Variants in KIAA0408 observed in about 807,000 individuals in gnomAD.
The protein encoded by KIAA0408 is uncharacterized protein KIAA0408.
Under a neutral mutation model 60.9 loss-of-function variants are expected in KIAA0408, and 51 were observed. That is an observed-to-expected ratio of 0.84 (90% CI 0.67 to 1.06). KIAA0408 has a LOEUF of 1.06. KIAA0408 is among the 50% of genes least tolerant of loss of function. The probability of loss-of-function intolerance (pLI) is 0.00; values close to 1 mark genes in which losing one functional copy is unlikely to be tolerated. For missense variants in KIAA0408, 787 were observed against 833.9 expected (o/e 0.94, Z 0.69); for synonymous variants, 304 against 282.4 (o/e 1.08, Z -0.77).
Position 127,447,261 on chromosome 6 carries a change from T to G in KIAA0408, c.1058A>C (p.Asn353Thr). Residue 353 changes from asparagine to threonine, a missense_variant, in exon 5 of 6, where the codon AAT (asparagine) becomes ACT (threonine). Physicochemically the swap from Asn to Thr is moderately conservative, Grantham distance 65 (BLOSUM62 0). This residue lies in a region of KIAA0408 where 640 missense variants were observed against 681.3 expected (regional missense o/e 0.94). Transcript: ENST00000483725. ...CCACATGCTAAGTCCAACATCTTCA[T>G]TACTTGGAGGCTTGCTATCTATTTT... Reference protein sequence around the residue: ...EVKIDSKPPSNEDVGLSMWSC... With the variant: ...EVKIDSKPPSTEDVGLSMWSC... 1 of 1,614,004 alleles carries G rather than the reference T, an allele frequency of 6.2e-7. No individual in the cohort carries two copies. Among genetic ancestry groups the G allele is most frequent in the Non-Finnish European group, 8.5e-7 (1 of 1,179,972 alleles).
intron 1 of KIAA0408, among the ~76,000 whole-genome samples, chr6:127,454,665 C>T (rs1773359699): frequency 6.6e-6 from 1 of 152,006 alleles, no homozygotes; most frequent in South Asian, 2.1e-4. Context: ...AGAAACTAAT[C>T]TAAATTATAA....
At chr6:127,453,600 G>GA (rs1340304733) in intron 2 of KIAA0408, among the ~76,000 whole-genome samples, 8 of 151,964 alleles carry the variant, frequency 5.3e-5, no homozygotes, top group African/African-American at 1.9e-4. Context: ...TCTCTAGCCA[G>GA]AAAATAATAA....
chr6:127,456,857 C>T (rs899289339), intron 1 of KIAA0408, among the ~76,000 whole-genome samples: 9 of 151,848 alleles, frequency 5.9e-5, no homozygotes, highest in African/African-American at 1.7e-4. Context: ...AGTGCCTAAA[C>T]ACTGCTCTGG....
chr6:127,457,737 A>G (rs148373180), intron 1 of KIAA0408, among the ~76,000 whole-genome samples: 1 of 152,330 alleles, frequency 6.6e-6, no homozygotes, highest in African/African-American at 2.4e-5. Flanking sequence ...AGTAACACAC[A>G]AGTCTCACAA....
Position 127,443,867 on chromosome 6 carries a change from G to C in KIAA0408, c.*242C>G. 1 of 465,354 alleles carries C rather than the reference G, an allele frequency of 2.1e-6. No homozygotes were observed. Among genetic ancestry groups the C allele is most frequent in the Non-Finnish European group, 3.9e-6 (1 of 259,534 alleles). 28.8% of individuals were successfully genotyped at this position (465,354 alleles called of 1,614,324 possible). A position where few individuals can be genotyped will look rare whatever the true frequency, so the allele number is the denominator to read the frequency against. ...CTTGCAACAAAGAATATACAATATTGTACATTGTTTCAACTTATATTGTAT... is the reference window on the plus strand; with the variant it reads ...CTTGCAACAAAGAATATACAATATTCTACATTGTTTCAACTTATATTGTAT... On this transcript the variant is annotated 3_prime_UTR_variant, in exon 6 of 6. Transcript: ENST00000483725.
rs1322398854 is a variant in KIAA0408, at chr6:127,442,856, T to C, written c.*1253A>G. On this transcript the variant is annotated 3_prime_UTR_variant, in exon 6 of 6. Coordinates refer to ENST00000483725, the MANE Select transcript of KIAA0408 (RefSeq NM_014702.5). ...TCCTTCTAAAATCTTCCATTTAGAA[T>C]TCCAAGCCCCTCGACATTCATATTT... is the stretch of plus-strand genomic sequence containing the variant. 2.0e-5 allele frequency: 3 copies of C among 152,194 alleles called. No individual in the cohort carries two copies. The highest frequency in any genetic ancestry group is 7.2e-5 in the African/African-American group (3 of 41,456). The allele number at this position is 152,194 out of a possible 1,614,324, so 9.4% of individuals were successfully genotyped here.
rs916975724 is a variant in KIAA0408, at chr6:127,449,971, C to A, written c.498+19G>T. 2 of 1,613,724 alleles carry A rather than the reference C, an allele frequency of 1.2e-6. No homozygotes were observed. The highest frequency in any genetic ancestry group is 2.7e-5 in the African/African-American group (2 of 74,976). On this transcript the variant is annotated intron_variant, in intron 3 of 5. Coordinates refer to ENST00000483725, the MANE Select transcript of KIAA0408 (RefSeq NM_014702.5). ...ATATTTCTTTAGAAACAGTTCTAGG[C>A]CAATCACATCTTACTTACTGTACTG...
rs981482052 is a variant in KIAA0408 at position 127,454,041 on chromosome 6, G to C, written c.-60C>G. 3 of 1,522,292 alleles carry C rather than the reference G, an allele frequency of 2.0e-6. No individual in the cohort carries two copies. The highest frequency in any genetic ancestry group is 2.6e-6 in the Non-Finnish European group (3 of 1,136,166). The allele number at this position is 1,522,292 out of a possible 1,614,324, so 94.3% of individuals were successfully genotyped here. A position where few individuals can be genotyped will look rare whatever the true frequency, so the allele number is the denominator to read the frequency against. On this transcript the variant is annotated 5_prime_UTR_variant, in exon 2 of 6. Coordinates refer to ENST00000483725, the MANE Select transcript of KIAA0408 (RefSeq NM_014702.5). ...TGCTCTTCTCTGCCTCCTCTTAACT[G>C]TTTCTTGGAAGCTTGAAGTTGTTTT... is the stretch of plus-strand genomic sequence containing the variant.
Position 127,443,324 on chromosome 6 carries a change from A to T in KIAA0408, c.*785T>A, listed in dbSNP as rs1221369015. 6.6e-6 allele frequency: 1 copy of T among 152,186 alleles called. No homozygotes were observed. Among genetic ancestry groups the T allele is most frequent in the African/African-American group, 2.4e-5 (1 of 41,462 alleles). 9.4% of individuals were successfully genotyped at this position (152,186 alleles called of 1,614,324 possible). On this transcript the variant is annotated 3_prime_UTR_variant, in exon 6 of 6. Transcript: ENST00000483725. ...GTCATTTATAATGCAGTCTCATGAT[A>T]CTGTCTCTGAGGATCAAATATTCAG...
chr6:127,447,592 C>G lies in KIAA0408; in HGVS notation c.727G>C (p.Val243Leu). The G allele has an allele frequency of 4.3e-6, 7 of 1,613,084 alleles. No homozygotes were observed. The highest frequency in any genetic ancestry group is 5.9e-6 in the Non-Finnish European group (7 of 1,179,684). Residue 243 changes from valine (V) to leucine (L), a missense_variant, in exon 5 of 6, where the codon GTG becomes CTG. Transcript: ENST00000483725. ...KNRKNLSCTN[V>L]LQSNSTKKCG... Reference sequence around the variant, plus strand: ...TTTTTCGTAGAATTGCTCTGGAGCACATTGGTACAGCTCAGATTCTTCCTG... The same window carrying G: ...TTTTTCGTAGAATTGCTCTGGAGCAGATTGGTACAGCTCAGATTCTTCCTG...
At chr6:127,448,062 A>AT (rs1562370348) in intron 4 of KIAA0408, among the ~76,000 whole-genome samples, 1 of 152,040 alleles carries the variant, frequency 6.6e-6, no homozygotes, top group Non-Finnish European at 1.5e-5. Flanking sequence ...TGCTACTGGC[A>AT]TTTCTCTCTC....
chr6:127,452,136 A>G (rs1354848810), intron 2 of KIAA0408, among the ~76,000 whole-genome samples: 1 of 152,168 alleles, frequency 6.6e-6, no homozygotes, highest in African/African-American at 2.4e-5. Context: ...GCATCCTCTC[A>G]TTAGATATTA....
chr6:127,446,964 G>T lies in KIAA0408; in HGVS notation c.1355C>A (p.Thr452Lys). The stretch of plus-strand genomic sequence containing the variant: ...CTGTATTGCCTGACAATTTCTATCT[G>T]TTCTAAATACAGTTCTGTTAAATTC... ...TDEFNRTVFR[T>K]DRNCQAIQQN... Residue 452 changes from threonine to lysine, a missense_variant, in exon 5 of 6, where the codon ACA (threonine) becomes AAA (lysine). Thr to Lys is a moderately conservative substitution (Grantham distance 78, BLOSUM62 -1). Coordinates refer to ENST00000483725, the MANE Select transcript of KIAA0408 (RefSeq NM_014702.5). 9.3e-6 allele frequency: 15 copies of T among 1,614,034 alleles called. No homozygotes were observed. Among genetic ancestry groups the T allele is most frequent in the Non-Finnish European group, 1.3e-5 (15 of 1,179,992 alleles).
In KIAA0408 at chr6:127,447,411, C is replaced by T. The variant is rs201333415; in HGVS notation, c.908G>A (p.Gly303Asp). ...LDHNSWVPHE[G>D]RSKRNYNPHF... Reference sequence around the variant, plus strand: ...AGGGTTGTAATTCCTTTTACTTCGACCCTCATGGGGCACCCAGCTGTTGTG... The same window carrying T: ...AGGGTTGTAATTCCTTTTACTTCGATCCTCATGGGGCACCCAGCTGTTGTG... The change falls in exon 5 of 6, where the codon GGT becomes GAT. Residue 303 changes from glycine (G) to aspartate (D), a missense_variant. Physicochemically the swap from Gly to Asp is moderately conservative, Grantham distance 94 (BLOSUM62 -1). Around this residue, in one of 3 missense-constraint regions of KIAA0408, gnomAD observed 640 missense variants for 681.3 expected, o/e 0.94. Transcript: ENST00000483725. 6.2e-7 allele frequency: 1 copy of T among 1,613,478 alleles called. No homozygotes were observed. The highest frequency in any genetic ancestry group is 1.7e-5 in the Admixed American group (1 of 59,866).
Position 127,446,486 on chromosome 6 carries a change from T to TTTCAGCAAATG in KIAA0408, c.1832_1833insCATTTGCTGAA (p.Glu611AspfsTer4). On this transcript the variant is annotated stop_gained and frameshift_variant, in exon 5 of 6. Coordinates refer to ENST00000483725, the MANE Select transcript of KIAA0408 (RefSeq NM_014702.5). LOFTEE classifies it high-confidence loss of function. Reference sequence around the variant, plus strand: ...CAGCTGTCTTTTGCTGAAACTGTTGTTCCATTTGGAGCATTTCTAAATGCT... The same window carrying TTTCAGCAAATG: ...CAGCTGTCTTTTGCTGAAACTGTTGTTTCAGCAAATGTCCATTTGGAGCATTTCTAAATGCT... The TTTCAGCAAATG allele has an allele frequency of 6.2e-7, 1 of 1,614,168 alleles. No homozygotes were observed.
At position 127,439,756 on chromosome 6, in the gene KIAA0408, TCTTA is replaced by T. The variant is rs1773075218; in HGVS notation, c.*4349_*4352del. 2 of 152,252 alleles carry T rather than the reference TCTTA, an allele frequency of 1.3e-5. No individual in the cohort carries two copies. Among genetic ancestry groups the T allele is most frequent in the South Asian group, 4.1e-4 (2 of 4,834 alleles). The allele number at this position is 152,252 out of a possible 1,614,324, so 9.4% of individuals were successfully genotyped here. A position where few individuals can be genotyped will look rare whatever the true frequency, so the allele number is the denominator to read the frequency against. ...TTATCTTGACTACTTAATTTTTCCT[TCTTA>T]CTTAGAAATCACAATGCCTGCCTTG... On this transcript the variant is annotated 3_prime_UTR_variant, in exon 6 of 6. Coordinates refer to ENST00000483725, the MANE Select transcript of KIAA0408 (RefSeq NM_014702.5).
rs1773132614 is a variant in KIAA0408 at position 127,443,140 on chromosome 6, A to G, written c.*969T>C. ...AAAGGAAAAAAATAATAAATGACTTACCTCTAAGTATGTATGACTCCATGT... is the reference window on the plus strand; with the variant it reads ...AAAGGAAAAAAATAATAAATGACTTGCCTCTAAGTATGTATGACTCCATGT... On this transcript the variant is annotated 3_prime_UTR_variant, in exon 6 of 6. Coordinates refer to ENST00000483725, the MANE Select transcript of KIAA0408 (RefSeq NM_014702.5). 2 of 152,152 alleles carry G rather than the reference A, an allele frequency of 1.3e-5. No homozygotes were observed. Among genetic ancestry groups the G allele is most frequent in the Non-Finnish European group, 2.9e-5 (2 of 68,000 alleles). 9.4% of individuals were successfully genotyped at this position (152,152 alleles called of 1,614,324 possible).
Position 127,449,821 on chromosome 6 carries a change from C to T in KIAA0408, c.578+1G>A. ...TAAAATAATCAGATGTACCAGCCTA[C>T]CTTCTATGGTTAGACCGCTTTCGAA... On this transcript the variant is annotated splice_donor_variant, in intron 4 of 5. Transcript: ENST00000483725. LOFTEE classifies it high-confidence loss of function. 1 of 1,613,908 alleles carries T rather than the reference C, an allele frequency of 6.2e-7. No individual in the cohort carries two copies. The highest frequency in any genetic ancestry group is 1.1e-5 in the South Asian group (1 of 91,074).
Position 127,447,755 on chromosome 6 carries a change from A to G in KIAA0408, c.579-15T>C, listed in dbSNP as rs750182302. 6.6e-7 allele frequency: 1 copy of G among 1,524,890 alleles called. No individual in the cohort carries two copies. The highest frequency in any genetic ancestry group is 2.3e-5 in the East Asian group (1 of 44,082). 94.5% of individuals were successfully genotyped at this position (1,524,890 alleles called of 1,614,324 possible). A position where few individuals can be genotyped will look rare whatever the true frequency, so the allele number is the denominator to read the frequency against. ...CTGACTTCATCCTAAACAATGATAA[A>G]ACATGGTGTATTGGTTATAACTTTA... On this transcript the variant is annotated splice_polypyrimidine_tract_variant and intron_variant, in intron 4 of 5. Coordinates refer to ENST00000483725, the MANE Select transcript of KIAA0408 (RefSeq NM_014702.5).
Sources: gnomAD v4.1 joint callset for allele counts (sites outside exome capture counted in the v4.1 genomes callset) on GRCh38, gnomAD v4.1.1 for gene constraint, gnomAD v4.1.1 regional missense constraint, MANE v1.5 for transcripts, NCBI Gene and HGNC (gene_info 2026-07-23, HGNC 2026-07-21) for gene names.